AFF3: variants seen among roughly 807,000 people sequenced by gnomAD.
The protein encoded by AFF3 is ALF transcription elongation factor 3, also known as AF4/FMR2 family member 3.
In AFF3, 32 loss-of-function variants were observed where a neutral mutation model predicts 129.7. The ratio of observed to expected loss-of-function variants is 0.25; its 90% CI spans 0.19 to 0.33. The LOEUF is 0.33. AFF3 is among the 10% of genes least tolerant of loss of function. The pLI is 1.00. For missense variants in AFF3, 1,373 were observed against 1,592.0 expected, an observed-to-expected ratio of 0.86 and a Z score of 2.34; for synonymous variants, 644 against 635.4, an observed-to-expected ratio of 1.01 and a Z score of -0.20.
chr2:100,099,240 C>T (rs1256497324), intron 4 of AFF3, among the ~76,000 whole-genome samples: 2 of 151,458 alleles, frequency 1.3e-5, no homozygotes, highest in Non-Finnish European at 2.9e-5. Flanking sequence ...TGCTTTACTG[C>T]AGCTGGAGGA....
At chr2:100,002,080 G>A (rs1228281427) in intron 7 of AFF3, among the ~76,000 whole-genome samples, 1 of 152,212 alleles carries the variant, frequency 6.6e-6, no homozygotes, top group Non-Finnish European at 1.5e-5. Context: ...ACGACAGGTG[G>A]GGAAACTGAG....
chr2:99,905,388 G>A (rs904210467), intron 7 of AFF3, among the ~76,000 whole-genome samples: 1 of 152,262 alleles, frequency 6.6e-6, no homozygotes, highest in Middle Eastern at 3.4e-3. Flanking sequence ...GGTCACCCAT[G>A]AGCCTGCCTC....
chr2:99,814,171 G>A (rs1455305554), intron 8 of AFF3, among the ~76,000 whole-genome samples: 1 of 152,102 alleles, frequency 6.6e-6, no homozygotes, highest in Admixed American at 6.5e-5. Flanking sequence ...TAGTGGGTAA[G>A]GGGATGACAG....
chr2:99,659,880 C>T (rs937099220), intron 12 of AFF3, among the ~76,000 whole-genome samples: 13 of 152,140 alleles, frequency 8.5e-5, no homozygotes, highest in Admixed American at 8.5e-4. Flanking sequence ...ATCCCTCCAC[C>T]AGATGAAAGC....
chr2:99,859,073 C>T (rs1576206052), intron 7 of AFF3, among the ~76,000 whole-genome samples: 1 of 152,224 alleles, frequency 6.6e-6, no homozygotes, highest in East Asian at 1.9e-4. Flanking sequence ...AGCAGCTCCG[C>T]TTCTCCTGTC....
chr2:100,092,071 G>A (rs796990773), intron 4 of AFF3, among the ~76,000 whole-genome samples: 6,005 of 136,896 alleles, frequency 0.044, no homozygotes, highest in African/African-American at 0.13. Flanking sequence ...TGCTGATAAC[G>A]CCCACTTATT....
chr2:99,944,705 CAAG>C (rs1675391731), intron 7 of AFF3, among the ~76,000 whole-genome samples: 1 of 152,058 alleles, frequency 6.6e-6, no homozygotes, highest in Non-Finnish European at 1.5e-5. Context: ...GGGGAAGGTA[CAAG>C]AAGGATAAGA....
chr2:99,983,108 G>C (rs17023349), intron 7 of AFF3, among the ~76,000 whole-genome samples: 5 of 152,148 alleles, frequency 3.3e-5, no homozygotes, highest in Non-Finnish European at 7.4e-5. Context: ...GAACTCAAGC[G>C]TAAGAGATTA....
rs565101612 is a variant in AFF3, at chr2:99,814,178, A to T, written c.921+23299T>A. Among the ~76,000 whole-genome samples, 10 of 152,212 alleles carry T rather than the reference A, an allele frequency of 6.6e-5. No individual in the cohort carries two copies. In the South Asian group the frequency reaches 2.1e-3, roughly 32 times the overall value. ...CCTATCTGTAGTGGGTAAGGGGATGACAGATATTTCTTTCTCACCTCTAGC... is the reference window on the plus strand; with the variant it reads ...CCTATCTGTAGTGGGTAAGGGGATGTCAGATATTTCTTTCTCACCTCTAGC... On this transcript the variant is annotated intron_variant, in intron 8 of 24. Coordinates refer to ENST00000672756, the MANE Select transcript of AFF3 (RefSeq NM_001386135.1).
chr2:99,732,232 G>A (rs1679891194), intron 10 of AFF3, among the ~76,000 whole-genome samples: 1 of 151,904 alleles, frequency 6.6e-6, no homozygotes, highest in South Asian at 2.1e-4. Context: ...GTGGGCGCCT[G>A]TAGTCCTAGC....
chr2:99,831,511 G>A (rs942746405), intron 8 of AFF3, among the ~76,000 whole-genome samples: 1 of 152,184 alleles, frequency 6.6e-6, no homozygotes, highest in Non-Finnish European at 1.5e-5. Flanking sequence ...TAAGTTAAGT[G>A]TTTGGGGAAT....
chr2:100,081,707 A>T lies in AFF3; in HGVS notation c.53+22695T>A, dbSNP rs140298852. On this transcript the variant is annotated intron_variant, in intron 4 of 24. Transcript: ENST00000672756. ...TTCTGACACACAGAATCATTGGGGGAAAACTCTTCTGATTTATTGAGGGTT... is the reference window on the plus strand; with the variant it reads ...TTCTGACACACAGAATCATTGGGGGTAAACTCTTCTGATTTATTGAGGGTT... Among the ~76,000 whole-genome samples, 755 of 152,304 alleles carry T rather than the reference A, an allele frequency of 5.0e-3. 17 individuals are homozygous for T. Among genetic ancestry groups the T allele is most frequent in the Non-Finnish European group, 1.2e-3 (83 of 68,030 alleles).
At chr2:99,578,567 G>T in intron 17 of AFF3, 116 bp from the exon 18 acceptor site, 1 of 1,441,824 alleles carries the variant, frequency 6.9e-7, no homozygotes, top group Non-Finnish European at 9.3e-7. Context: ...TTTGTGTGCT[G>T]TATTAGAATT....
intron 17 of AFF3, among the ~76,000 whole-genome samples, chr2:99,581,180 G>A (rs150518127): frequency 1.8e-4 from 27 of 152,278 alleles, no homozygotes; most frequent in African/African-American, 6.0e-4. Context: ...GCACCTCTTC[G>A]GTGAAAAATA....
chr2:99,980,228 C>T (rs1404537295), intron 7 of AFF3, among the ~76,000 whole-genome samples: 1 of 152,180 alleles, frequency 6.6e-6, no homozygotes, highest in Non-Finnish European at 1.5e-5. Context: ...TGCTGTTCCT[C>T]GATCTCTTTT....
intron 4 of AFF3, among the ~76,000 whole-genome samples, chr2:100,036,912 A>G (rs1429710660): frequency 6.6e-6 from 1 of 152,166 alleles, no homozygotes; most frequent in Admixed American, 6.5e-5. Flanking sequence ...GCAAAGAACT[A>G]AAAAGTGTAA....
chr2:100,047,358 G>A (rs559726249), intron 4 of AFF3, among the ~76,000 whole-genome samples: 1 of 152,136 alleles, frequency 6.6e-6, no homozygotes, highest in Non-Finnish European at 1.5e-5. Flanking sequence ...CTCTGTCATA[G>A]TGGTGACAGA....
Position 99,593,639 on chromosome 2 carries a change from G to C in AFF3, c.2022C>G (p.Ser674=). The change falls in exon 15 of 25, where the codon TCC becomes TCG. Residue 674 remains serine, a synonymous_variant. Coordinates refer to ENST00000672756, the MANE Select transcript of AFF3 (RefSeq NM_001386135.1). The part of the protein sequence containing the change: ...EFIETESSSS[S]SSSDSDLESE... ...ACTCCAGGTCGGAGTCCGAGGAGGA[G>C]GATGAAGATGACGACTCTGTCTCAA... The C allele has an allele frequency of 6.2e-7, 1 of 1,609,422 alleles. No homozygotes were observed. Among genetic ancestry groups the C allele is most frequent in the Non-Finnish European group, 8.5e-7 (1 of 1,177,326 alleles).
At chr2:100,138,692 C>T (rs1692727375) in intron 1 of AFF3, among the ~76,000 whole-genome samples, 1 of 152,046 alleles carries the variant, frequency 6.6e-6, no homozygotes. Flanking sequence ...GCCTGTAATC[C>T]CAGCAGTTTG....
Sources: allele counts gnomAD v4.1 joint callset (sites outside exome capture counted in the v4.1 genomes callset), GRCh38; gene constraint gnomAD v4.1.1; transcripts MANE v1.5; gene names NCBI Gene and HGNC (gene_info 2026-07-23, HGNC 2026-07-21).